Variants in ZFPM2 observed in about 807,000 individuals in gnomAD.
The protein encoded by ZFPM2 is zinc finger protein, FOG family member 2, also known as zinc finger protein ZFPM2.
ZFPM2 carries 20 observed loss-of-function variants against 98.6 expected under a neutral mutation model. That is an observed-to-expected ratio of 0.20 (90% CI 0.14 to 0.29). The LOEUF is 0.29. ZFPM2 is among the 10% of genes least tolerant of loss of function. The pLI is 1.00. For missense variants in ZFPM2, 1,310 were observed against 1,388.6 expected (o/e 0.94, Z 0.90); for synonymous variants, 518 against 502.7 (o/e 1.03, Z -0.41).
At chr8:105,726,515 C>G (rs1270445016) in intron 5 of ZFPM2, among the ~76,000 whole-genome samples, 1 of 151,814 alleles carries the variant, frequency 6.6e-6, no homozygotes, top group Non-Finnish European at 1.5e-5. Flanking sequence ...CTGTTGGTAT[C>G]TTCACCATTA....
intron 5 of ZFPM2, among the ~76,000 whole-genome samples, chr8:105,693,481 A>G (rs796248298): frequency 1.4e-4 from 21 of 152,348 alleles, no homozygotes; most frequent in African/African-American, 5.1e-4. Context: ...TCTTTGCTCT[A>G]CTACACTACA....
intron 4 of ZFPM2, among the ~76,000 whole-genome samples, chr8:105,580,321 G>A (rs1361522618): frequency 1.3e-5 from 2 of 152,042 alleles, no homozygotes; most frequent in African/African-American, 4.8e-5. Flanking sequence ...TATATACCTT[G>A]TATCTATCTT....
At chr8:105,736,913 T>A (rs1485675616) in intron 5 of ZFPM2, among the ~76,000 whole-genome samples, 2 of 152,082 alleles carry the variant, frequency 1.3e-5, no homozygotes, top group Non-Finnish European at 2.9e-5. Flanking sequence ...TATTGAAAAA[T>A]AAACTATGAT....
chr8:105,321,766 A>T (rs1484661589), intron 1 of ZFPM2, among the ~76,000 whole-genome samples: 1 of 152,184 alleles, frequency 6.6e-6, no homozygotes, highest in Non-Finnish European at 1.5e-5. Context: ...GCCAGATAAG[A>T]GGAGATAATG....
intron 3 of ZFPM2, among the ~76,000 whole-genome samples, chr8:105,449,794 G>A (rs1812449081): frequency 6.6e-6 from 1 of 151,922 alleles, no homozygotes; most frequent in African/African-American, 2.4e-5. Context: ...TACATCTAAA[G>A]CATGGAGCTC....
At chr8:105,575,443 G>A (rs987746586) in intron 4 of ZFPM2, among the ~76,000 whole-genome samples, 4 of 152,144 alleles carry the variant, frequency 2.6e-5, no homozygotes, top group African/African-American at 9.7e-5. Context: ...GAGAGACTCC[G>A]TGGGAGTGGA....
chr8:105,656,586 G>T (rs1817290058), intron 5 of ZFPM2, among the ~76,000 whole-genome samples: 1 of 152,142 alleles, frequency 6.6e-6, no homozygotes, highest in Admixed American at 6.5e-5. Flanking sequence ...TTATGGGACA[G>T]AGAGGAGGGG....
At chr8:105,456,438 T>G (rs563937129) in intron 3 of ZFPM2, among the ~76,000 whole-genome samples, 1 of 152,106 alleles carries the variant, frequency 6.6e-6, no homozygotes, top group African/African-American at 2.4e-5. Flanking sequence ...GTAAAATAAA[T>G]TTTCTTGGTA....
intron 2 of ZFPM2, among the ~76,000 whole-genome samples, chr8:105,435,839 A>G (rs948577954): frequency 6.6e-6 from 1 of 152,356 alleles, no homozygotes; most frequent in African/African-American, 2.4e-5. Flanking sequence ...CGAAGATTTC[A>G]TATTTGATTA....
chr8:105,534,125 TCCTCC>T (rs1814384258), intron 3 of ZFPM2, among the ~76,000 whole-genome samples: 1 of 17,608 alleles, frequency 5.7e-5, no homozygotes, highest in African/African-American at 6.2e-4. Flanking sequence ...CTCCCTTCCT[TCCTCC>T]CTTCCTTCCT....
chr8:105,396,542 A>G (rs1227612838), intron 1 of ZFPM2, among the ~76,000 whole-genome samples: 1 of 152,212 alleles, frequency 6.6e-6, no homozygotes, highest in Non-Finnish European at 1.5e-5. Context: ...ATACATGTTC[A>G]ATATAGAAAG....
chr8:105,668,827 A>T (rs1380872779), intron 5 of ZFPM2, among the ~76,000 whole-genome samples: 2 of 152,194 alleles, frequency 1.3e-5, no homozygotes, highest in Admixed American at 6.5e-5. Context: ...TTAAATTTGG[A>T]TCTAGCAGGA....
chr8:105,423,541 A>G (rs1198910838), intron 2 of ZFPM2, among the ~76,000 whole-genome samples: 1 of 152,222 alleles, frequency 6.6e-6, no homozygotes, highest in Admixed American at 6.5e-5. Context: ...GAAGAAAACA[A>G]GCAAAATTAT....
Position 105,318,600 on chromosome 8 carries a change from C to T in ZFPM2, c.-342C>T, listed in dbSNP as rs1270382499. 6.6e-6 allele frequency: 1 copy of T among 151,224 alleles called. No homozygotes were observed. The highest frequency in any genetic ancestry group is 1.5e-5 in the Non-Finnish European group (1 of 67,866). The allele number at this position is 151,224 out of a possible 1,614,324, so 9.4% of individuals were successfully genotyped here. A position where few individuals can be genotyped will look rare whatever the true frequency, so the allele number is the denominator to read the frequency against. On this transcript the variant is annotated 5_prime_UTR_variant, in exon 1 of 8. Coordinates refer to ENST00000407775, the MANE Select transcript of ZFPM2 (RefSeq NM_012082.4). ...TCTCCCGTCCCTCCCTCCTTCTCTT[C>T]CTTCTTTCCGTGTTATTTTTCTCTT...
intron 3 of ZFPM2, among the ~76,000 whole-genome samples, chr8:105,517,120 A>C (rs551090040): frequency 1.6e-4 from 24 of 152,340 alleles, no homozygotes; most frequent in African/African-American, 4.6e-4. Flanking sequence ...TAAAGAATAA[A>C]GAATATGGAA....
chr8:105,432,464 C>G (rs560684464), intron 2 of ZFPM2, among the ~76,000 whole-genome samples: 1 of 152,194 alleles, frequency 6.6e-6, no homozygotes, highest in Admixed American at 6.5e-5. Flanking sequence ...TAAATAAGGT[C>G]CTATTTAACA....
chr8:105,779,232 T>C (rs141680707), intron 5 of ZFPM2, among the ~76,000 whole-genome samples: 68 of 152,312 alleles, frequency 4.5e-4, no homozygotes, highest in African/African-American at 1.6e-3. Flanking sequence ...CTACTTTATA[T>C]TGAGGCAGAG....
intron 3 of ZFPM2, among the ~76,000 whole-genome samples, chr8:105,472,881 A>C (rs1290201705): frequency 7.3e-6 from 1 of 136,632 alleles, no homozygotes; most frequent in Admixed American, 8.0e-5. Context: ...CTCTTCTCCT[A>C]AAGGGACCTT....
chr8:105,794,978 G>A (rs1284982612), intron 6 of ZFPM2, among the ~76,000 whole-genome samples: 13 of 152,226 alleles, frequency 8.5e-5, no homozygotes, highest in South Asian at 4.1e-4. Context: ...TCCAGGTGCC[G>A]TCTGTCACCC....
Sources: allele counts gnomAD v4.1 joint callset (sites outside exome capture counted in the v4.1 genomes callset), GRCh38; gene constraint gnomAD v4.1.1; transcripts MANE v1.5; gene names NCBI Gene and HGNC (gene_info 2026-07-23, HGNC 2026-07-21).